The following NTM variants were observed in gnomAD, a reference collection of about 807,000 sequenced individuals.
NTM encodes neurotrimin.
NTM carries 13 observed loss-of-function variants against 42.1 expected under a neutral mutation model. That is an observed-to-expected ratio of 0.31 (90% CI 0.20 to 0.49). The LOEUF is 0.49. NTM is among the 20% of genes least tolerant of loss of function. The probability of loss-of-function intolerance (pLI) is 0.99; values close to 1 mark genes in which losing one functional copy is unlikely to be tolerated. For synonymous variants in NTM, 187 were observed against 179.2 expected (o/e 1.04, Z -0.35); for missense variants, 373 against 452.8 (o/e 0.82, Z 1.60).
intron 1 of NTM, among the ~76,000 whole-genome samples, chr11:131,842,070 A>G (rs1354579682): frequency 6.6e-6 from 1 of 152,208 alleles, no homozygotes; most frequent in Non-Finnish European, 1.5e-5. Context: ...CTTGCACCAC[A>G]TGAGCGAGCA....
At chr11:131,393,687 C>T (rs1944266273) in intron 1 of NTM, among the ~76,000 whole-genome samples, 1 of 152,256 alleles carries the variant, frequency 6.6e-6, no homozygotes. Context: ...CCATGCCTCT[C>T]TCTCTCCGCC....
chr11:132,230,440 C>A (rs1189156250), intron 4 of NTM, among the ~76,000 whole-genome samples: 4 of 152,216 alleles, frequency 2.6e-5, no homozygotes, highest in Admixed American at 2.6e-4. Context: ...ATGGGACCTG[C>A]ACCCAGCCTC....
intron 1 of NTM, chr11:131,535,277 T>C (rs999506559): frequency 1.6e-4 from 25 of 152,188 alleles, no homozygotes; most frequent in African/African-American, 6.0e-4. Flanking sequence ...TTCCGGCATC[T>C]TAAATTCTAG....
At chr11:131,671,572 C>T in intron 1 of NTM, 2 of 984,926 alleles carry the variant, frequency 2.0e-6, no homozygotes, top group Non-Finnish European at 2.4e-6. Context: ...CCTCACCCTC[C>T]TCTGGAGCCC....
chr11:132,293,040 T>C (rs1031971789), intron 4 of NTM, among the ~76,000 whole-genome samples: 3 of 151,930 alleles, frequency 2.0e-5, no homozygotes, highest in Admixed American at 6.6e-5. Context: ...ATCAAGAATA[T>C]GAGGGGCCGG....
chr11:132,194,211 A>C (rs1318909136), intron 3 of NTM, among the ~76,000 whole-genome samples: 2 of 152,186 alleles, frequency 1.3e-5, no homozygotes, highest in East Asian at 3.9e-4. Flanking sequence ...AGGTACAAAA[A>C]TCCTCAGCAA....
chr11:132,197,890 G>A (rs1355338584), intron 3 of NTM, among the ~76,000 whole-genome samples: 1 of 151,970 alleles, frequency 6.6e-6, no homozygotes, highest in East Asian at 1.9e-4. Flanking sequence ...TCTTCATCCA[G>A]TCTATCATTG....
At chr11:132,235,286 T>C (rs1379958309) in intron 4 of NTM, among the ~76,000 whole-genome samples, 2 of 152,042 alleles carry the variant, frequency 1.3e-5, no homozygotes, top group Non-Finnish European at 2.9e-5. Flanking sequence ...GGAAGCAAGG[T>C]GGGTTATCAA....
intron 1 of NTM, among the ~76,000 whole-genome samples, chr11:131,521,796 G>C (rs1048122647): frequency 6.6e-6 from 1 of 152,026 alleles, no homozygotes; most frequent in Non-Finnish European, 1.5e-5. Context: ...ATTCCAAAAG[G>C]ACTCTGTGCA....
chr11:132,278,886 A>G (rs1182006687), intron 4 of NTM, among the ~76,000 whole-genome samples: 1 of 152,074 alleles, frequency 6.6e-6, no homozygotes, highest in Non-Finnish European at 1.5e-5. Flanking sequence ...CCCCGCAGCT[A>G]TAACTTACAC....
intron 1 of NTM, among the ~76,000 whole-genome samples, chr11:131,506,458 T>C (rs2047506311): frequency 6.6e-6 from 1 of 152,206 alleles, no homozygotes; most frequent in African/African-American, 2.4e-5. Context: ...CAACTGCCAT[T>C]CTGCAGTTAC....
chr11:132,148,216 T>G (rs1183195615), intron 3 of NTM, among the ~76,000 whole-genome samples: 1 of 152,248 alleles, frequency 6.6e-6, no homozygotes, highest in Admixed American at 6.5e-5. Flanking sequence ...TAGAATTGCA[T>G]AGAAGGTATC....
intron 1 of NTM, among the ~76,000 whole-genome samples, chr11:131,807,331 G>A (rs1046409420): frequency 3.3e-5 from 5 of 152,188 alleles, no homozygotes; most frequent in African/African-American, 9.7e-5. Context: ...GGCTGCCGTA[G>A]CATGAAAGTG....
At chr11:132,204,141 G>A (rs1429825784) in intron 3 of NTM, among the ~76,000 whole-genome samples, 3 of 152,260 alleles carry the variant, frequency 2.0e-5, no homozygotes, top group African/African-American at 7.2e-5. Context: ...GCCTTAGAGA[G>A]AATATCTATT....
chr11:131,484,669 A>G (rs1953966528), intron 1 of NTM, among the ~76,000 whole-genome samples: 1 of 152,168 alleles, frequency 6.6e-6, no homozygotes, highest in African/African-American at 2.4e-5. Flanking sequence ...AGGAGCAATG[A>G]GAGTCAGCCC....
intron 1 of NTM, 122 bp downstream of exon 1, chr11:131,371,010 T>G (rs1941092353): frequency 6.6e-7 from 1 of 1,512,902 alleles, no homozygotes; most frequent in African/African-American, 1.4e-5. Flanking sequence ...AGAGAGCGTT[T>G]AGACAGCATG....
chr11:131,560,671 T>C (rs186873097), intron 1 of NTM, among the ~76,000 whole-genome samples: 1 of 152,348 alleles, frequency 6.6e-6, no homozygotes, highest in Admixed American at 6.5e-5. Flanking sequence ...ATGAAAAACC[T>C]TTAAGGCCAT....
At position 131,993,970 on chromosome 11, in the gene NTM, T is replaced by C. The variant is rs555305167; in HGVS notation, c.167+82322T>C. ...GTGAGCTGAGATCATGCCATTGTAC[T>C]CCAATCTGGGCCACAAGATTGAAAC... is the stretch of plus-strand genomic sequence containing the variant. On this transcript the variant is annotated intron_variant, in intron 2 of 8. Transcript: ENST00000683400. Among the ~76,000 whole-genome samples the C allele has an allele frequency of 1.5e-4, 21 of 136,428 alleles. No homozygotes were observed. The East Asian group carries it at 4.5e-3, about 29-fold the overall frequency. 89.5% of individuals were successfully genotyped at this position (136,428 alleles called of 152,430 possible).
chr11:131,950,132 CCA>C (rs1165840783), intron 2 of NTM, among the ~76,000 whole-genome samples: 8 of 152,204 alleles, frequency 5.3e-5, no homozygotes, highest in Admixed American at 4.6e-4. Flanking sequence ...AATGGGAATC[CCA>C]GACTTTAAAT....
Sources: allele counts gnomAD v4.1 joint callset (sites outside exome capture counted in the v4.1 genomes callset), GRCh38; gene constraint gnomAD v4.1.1; transcripts MANE v1.5; gene names NCBI Gene and HGNC (gene_info 2026-07-23, HGNC 2026-07-21).